Variants in ESCO1 observed in about 807,000 individuals in gnomAD.
ESCO1 encodes N-acetyltransferase ESCO1.
In ESCO1, 33 loss-of-function variants were observed where a neutral mutation model predicts 83.5. The ratio of observed to expected loss-of-function variants is 0.40; its 90% CI spans 0.30 to 0.53. ESCO1 has a LOEUF of 0.53. Ranked by LOEUF, ESCO1 falls within the 20% of genes least tolerant of loss-of-function variation. The probability of loss-of-function intolerance (pLI) is 0.63; values close to 1 mark genes in which losing one functional copy is unlikely to be tolerated. For missense variants in ESCO1, 855 were observed against 968.0 expected, an observed-to-expected ratio of 0.88 and a Z score of 1.55; for synonymous variants, 332 against 324.3, an observed-to-expected ratio of 1.02 and a Z score of -0.25.
rs975265846 is a variant in ESCO1 at position 21,560,931 on chromosome 18, T to C, written c.1881A>G (p.Thr627=). The C allele has an allele frequency of 1.9e-6, 3 of 1,609,206 alleles. No individual in the cohort carries two copies. The highest frequency in any genetic ancestry group is 1.7e-4 in the Middle Eastern group (1 of 5,884). The change falls in exon 8 of 12, where the codon ACA becomes ACG. Residue 627 remains threonine (T), a synonymous_variant. Transcript: ENST00000269214. Reference sequence around the variant, plus strand: ...GTGTTTCATCTTCTGGATTTGAAGCTGTATACAGCATTCCACAAACATTAC... The same window carrying C: ...GTGTTTCATCTTCTGGATTTGAAGCCGTATACAGCATTCCACAAACATTAC... ...VSCNVCGMLY[T]ASNPEDETQH...
intron 10 of ESCO1, 90 bp downstream of exon 10, chr18:21,535,952 A>G: frequency 6.8e-7 from 1 of 1,472,052 alleles, no homozygotes; most frequent in South Asian, 1.4e-5. Context: ...CATGAAATGG[A>G]GACAAATTTA....
intron 2 of ESCO1, among the ~76,000 whole-genome samples, chr18:21,582,818 T>C (rs1214767859): frequency 6.6e-6 from 1 of 152,258 alleles, no homozygotes; most frequent in Non-Finnish European, 1.5e-5. Context: ...TTGTGTCAGG[T>C]ACCTTACATT....
intron 4 of ESCO1, among the ~76,000 whole-genome samples, chr18:21,570,882 C>T (rs1166569945): frequency 1.3e-5 from 2 of 151,274 alleles, no homozygotes; most frequent in South Asian, 2.1e-4. Flanking sequence ...GAGGCTGAGG[C>T]AGGAGAATGG....
intron 2 of ESCO1, among the ~76,000 whole-genome samples, chr18:21,583,021 G>A (rs574927944): frequency 1.4e-4 from 21 of 152,162 alleles, no homozygotes; most frequent in Admixed American, 4.6e-4. Flanking sequence ...GCAAAACCCC[G>A]TCTCTACAAA....
chr18:21,559,404 T>C (rs1002744904), intron 8 of ESCO1, among the ~76,000 whole-genome samples: 2 of 152,238 alleles, frequency 1.3e-5, no homozygotes, highest in African/African-American at 4.8e-5. Flanking sequence ...CCTTGTTCCA[T>C]AAATCAACTT....
intron 1 of ESCO1, among the ~76,000 whole-genome samples, chr18:21,593,743 G>A (rs1422847090): frequency 6.6e-6 from 1 of 151,760 alleles, no homozygotes; most frequent in Non-Finnish European, 1.5e-5. Flanking sequence ...CTACAAATCT[G>A]AGTCTAGTGG....
At chr18:21,598,148 G>A (rs1335354075) in intron 1 of ESCO1, among the ~76,000 whole-genome samples, 1 of 151,986 alleles carries the variant, frequency 6.6e-6, no homozygotes, top group Non-Finnish European at 1.5e-5. Context: ...AACTCTATGT[G>A]GTACAAAAAT....
At chr18:21,578,784 A>C (rs931513769) in intron 2 of ESCO1, among the ~76,000 whole-genome samples, 6 of 152,056 alleles carry the variant, frequency 3.9e-5, no homozygotes, top group Non-Finnish European at 4.4e-5. Flanking sequence ...TGCAACCTCC[A>C]CCTCCCAAGT....
chr18:21,553,770 T>A (rs1047297204), intron 8 of ESCO1, among the ~76,000 whole-genome samples: 1 of 149,798 alleles, frequency 6.7e-6, no homozygotes, highest in Non-Finnish European at 1.5e-5. Context: ...GGCAGGAAAA[T>A]CGCTTGAACC....
At chr18:21,568,543 G>C (rs2038294598) in intron 4 of ESCO1, among the ~76,000 whole-genome samples, 1 of 152,154 alleles carries the variant, frequency 6.6e-6, no homozygotes, top group Non-Finnish European at 1.5e-5. Flanking sequence ...CATCTAACTA[G>C]TGAGTGCACT....
At position 21,584,390 on chromosome 18, in the gene ESCO1, C is replaced by T. The variant is rs577438434; in HGVS notation, c.-774G>A. On this transcript the variant is annotated 5_prime_UTR_variant, in exon 2 of 12. Transcript: ENST00000269214. ...TGATGAATGATACTTCTTATCACTT[C>T]CTGTATGTTTAGTAATCTTTAAAAA... 69 of 151,638 alleles carry T rather than the reference C, an allele frequency of 4.6e-4. No homozygotes were observed. Among genetic ancestry groups the T allele is most frequent in the South Asian group, 1.7e-3 (8 of 4,804 alleles). The allele number at this position is 151,638 out of a possible 1,614,324, so 9.4% of individuals were successfully genotyped here. A position where few individuals can be genotyped will look rare whatever the true frequency, so the allele number is the denominator to read the frequency against.
intron 8 of ESCO1, among the ~76,000 whole-genome samples, chr18:21,551,436 A>C (rs1863636957): frequency 1.3e-5 from 2 of 152,208 alleles, no homozygotes; most frequent in South Asian, 4.1e-4. Flanking sequence ...GTCTCAAAAA[A>C]AGAAAAAAAA....
intron 8 of ESCO1, 36 bp downstream of exon 8, chr18:21,560,823 G>C: frequency 3.1e-6 from 5 of 1,589,732 alleles, no homozygotes; most frequent in Non-Finnish European, 4.3e-6. Context: ...CTAATTATCT[G>C]ATTTTTGCAT....
chr18:21,592,847 G>A (rs1164599253), intron 1 of ESCO1, among the ~76,000 whole-genome samples: 1 of 142,404 alleles, frequency 7.0e-6, no homozygotes, highest in African/African-American at 2.7e-5. Context: ...GGCGGTTGCC[G>A]GGCAGAGGGT....
At chr18:21,584,044 C>T (rs889644269) in intron 2 of ESCO1, among the ~76,000 whole-genome samples, 16 of 152,046 alleles carry the variant, frequency 1.1e-4, no homozygotes, top group African/African-American at 3.9e-4. Flanking sequence ...AATCATATGC[C>T]TTTTATGCAT....
chr18:21,532,791 A>C, intron 10 of ESCO1, 131 bp from the exon 11 acceptor site: 1 of 757,466 alleles, frequency 1.3e-6, no homozygotes, highest in Non-Finnish European at 2.0e-6. Context: ...TTTCACTCTC[A>C]TTTTTAGGAA....
intron 11 of ESCO1, 111 bp from the exon 12 acceptor site, chr18:21,530,601 G>T: frequency 9.5e-7 from 1 of 1,057,152 alleles, no homozygotes; most frequent in South Asian, 2.1e-5. Context: ...GACTAAAAAA[G>T]CTTTTTAGAT....
At chr18:21,561,684 T>TCC (rs1372896141) in intron 7 of ESCO1, among the ~76,000 whole-genome samples, 3 of 152,256 alleles carry the variant, frequency 2.0e-5, no homozygotes, top group Admixed American at 6.5e-5. Context: ...TGCCTTGGCC[T>TCC]CCTAAAGTGC....
At chr18:21,540,168 A>G (rs997166097) in intron 8 of ESCO1, among the ~76,000 whole-genome samples, 159 bp from the exon 9 acceptor site, 17 of 152,208 alleles carry the variant, frequency 1.1e-4, no homozygotes, top group African/African-American at 4.1e-4. Flanking sequence ...AAGCATGATA[A>G]ATCGGCTATT....
Sources: allele counts gnomAD v4.1 joint callset (sites outside exome capture counted in the v4.1 genomes callset), GRCh38; gene constraint gnomAD v4.1.1; transcripts MANE v1.5; gene names NCBI Gene and HGNC (gene_info 2026-07-23, HGNC 2026-07-21).